The following GRM4 variants were observed in gnomAD, a reference collection of about 807,000 sequenced individuals.
GRM4 encodes metabotropic glutamate receptor 4.
GRM4 carries 28 observed loss-of-function variants against 81.7 expected under a neutral mutation model. The ratio of observed to expected loss-of-function variants is 0.34; its 90% CI spans 0.25 to 0.47. The LOEUF (loss-of-function observed/expected upper bound fraction) is 0.47. Among genes scored for constraint, GRM4 ranks in the 20% least tolerant of loss-of-function variants. The probability of loss-of-function intolerance (pLI) is 1.00; values close to 1 mark genes in which losing one functional copy is unlikely to be tolerated. For synonymous variants in GRM4, 488 were observed against 528.8 expected (o/e 0.92, Z 1.06); for missense variants, 948 against 1,290.0 (o/e 0.73, Z 4.06).
At chr6:34,033,905 G>A (rs1471084254) in intron 9 of GRM4, among the ~76,000 whole-genome samples, 1 of 150,152 alleles carries the variant, frequency 6.7e-6, no homozygotes, top group East Asian at 2.0e-4. Context: ...GCCTGGCTAC[G>A]TTTTTGTATT....
In GRM4 at chr6:34,080,027, C is replaced by T. The variant is rs944308124; in HGVS notation, c.736+11856G>A. Among the ~76,000 whole-genome samples, 6 of 152,186 alleles carry T rather than the reference C, an allele frequency of 3.9e-5. No homozygotes were observed. Among genetic ancestry groups the T allele is most frequent in the African/African-American group, 1.4e-4 (6 of 41,436 alleles). On this transcript the variant is annotated intron_variant, in intron 3 of 10. Coordinates refer to ENST00000538487, the MANE Select transcript of GRM4 (RefSeq NM_000841.4). The surrounding 1 kb of genome is among the most constrained non-coding windows in gnomAD (Gnocchi z 5.4). ...CCCCCAGGGCCCCATGCAATTTGCCCTCCTCCGGCCGTATGTCTCCCTGCC... is the reference window on the plus strand; with the variant it reads ...CCCCCAGGGCCCCATGCAATTTGCCTTCCTCCGGCCGTATGTCTCCCTGCC...
intron 2 of GRM4, among the ~76,000 whole-genome samples, chr6:34,095,438 T>C (rs1258121454): frequency 1.3e-5 from 2 of 151,094 alleles, no homozygotes; most frequent in African/African-American, 4.8e-5. Context: ...TCTCACCAGC[T>C]GAAAAAAAAC....
upstream of GRM4, among the ~76,000 whole-genome samples, chr6:34,150,471 G>A (rs966475043): frequency 1.3e-5 from 2 of 152,120 alleles, no homozygotes; most frequent in Admixed American, 1.3e-4. Context: ...GGGAAGGAGG[G>A]GATGCTCACC....
At chr6:34,149,304 A>G (rs531251007), upstream of GRM4, among the ~76,000 whole-genome samples, 1 of 152,344 alleles carries the variant, frequency 6.6e-6, no homozygotes, top group South Asian at 2.1e-4. Flanking sequence ...TGACCCAGCC[A>G]TCACCTCAGC....
At chr6:34,040,815 G>A (rs890504060) in intron 6 of GRM4, 67 bp from the exon 7 acceptor site, 40 of 1,362,936 alleles carry the variant, frequency 2.9e-5, no homozygotes, top group Non-Finnish European at 4.0e-5. Context: ...TGTCATGGGG[G>A]CCAGACCACC....
intron 3 of GRM4, among the ~76,000 whole-genome samples, chr6:34,071,907 C>T (rs796388650): frequency 1.9e-3 from 3 of 1,566 alleles, no homozygotes; most frequent in Non-Finnish European, 1.9e-3. Flanking sequence ...ACACAATCAC[C>T]ACACACCACA....
rs371883408 is a variant in GRM4, at chr6:34,035,892, C to T, written c.2218G>A (p.Ala740Thr). 6.2e-6 allele frequency: 10 copies of T among 1,607,924 alleles called. No individual in the cohort carries two copies. The highest frequency in any genetic ancestry group is 1.3e-5 in the African/African-American group (1 of 74,958). ...QDQRTLDPRFARGVLKCDISD... is the reference protein window; with the variant it reads ...QDQRTLDPRFTRGVLKCDISD... ...ATGTCACACTTGAGCACACCCCTGG[C>T]GAAGCGGGGGTCGAGTGTCCGCTGG... is the stretch of plus-strand genomic sequence containing the variant. Residue 740 changes from alanine to threonine, a missense_variant, in exon 9 of 11, where the codon GCC becomes ACC. Physicochemically the swap from Ala to Thr is moderately conservative, Grantham distance 58. Transcript: ENST00000538487. This position sits in a 1 kb window ranked among gnomAD's most constrained non-coding sequence, Gnocchi z 6.6.
chr6:34,143,710 A>G (rs570124018), intron 1 of GRM4, among the ~76,000 whole-genome samples: 28 of 152,360 alleles, frequency 1.8e-4, no homozygotes, highest in African/African-American at 6.5e-4. Context: ...GAGTGTGGGC[A>G]GATGGGTATG....
At chr6:34,050,625 A>AT (rs1339833207) in intron 6 of GRM4, among the ~76,000 whole-genome samples, 1 of 152,170 alleles carries the variant, frequency 6.6e-6, no homozygotes, top group Non-Finnish European at 1.5e-5. Flanking sequence ...AGCCTCAGGT[A>AT]TTCCTTTATA....
intron 2 of GRM4, among the ~76,000 whole-genome samples, chr6:34,123,667 A>G (rs150323146): frequency 6.6e-6 from 1 of 152,290 alleles, no homozygotes; most frequent in African/African-American, 2.4e-5. Flanking sequence ...CTGTGCACGC[A>G]TTTCATCCTC....
intron 6 of GRM4, among the ~76,000 whole-genome samples, chr6:34,049,449 G>A (rs1036645902): frequency 6.6e-6 from 1 of 151,894 alleles, no homozygotes; most frequent in African/African-American, 2.4e-5. Context: ...AGGGCTCACT[G>A]GGACCTCTTC....
At chr6:34,061,702 T>A in intron 4 of GRM4, 191 bp downstream of exon 4, 1 of 512,782 alleles carries the variant, frequency 2.0e-6, no homozygotes, top group Non-Finnish European at 3.5e-6. Flanking sequence ...AGGGAAGGAG[T>A]GCCCCATAGC....
chr6:34,120,189 G>T (rs972173157), intron 2 of GRM4, among the ~76,000 whole-genome samples: 1 of 152,156 alleles, frequency 6.6e-6, no homozygotes, highest in African/African-American at 2.4e-5. Flanking sequence ...CTGAATAAAG[G>T]CTCATTCAGG....
At chr6:34,045,716 A>G (rs1353773948) in intron 6 of GRM4, among the ~76,000 whole-genome samples, 2 of 152,200 alleles carry the variant, frequency 1.3e-5, no homozygotes, top group South Asian at 4.1e-4. Context: ...AGAAAGGGGT[A>G]GGAAAATCCC....
intron 9 of GRM4, among the ~76,000 whole-genome samples, chr6:34,031,583 A>C (rs917588829): frequency 2.6e-5 from 4 of 152,184 alleles, no homozygotes; most frequent in African/African-American, 9.7e-5. Context: ...AAATCTGTAC[A>C]AACCAGACAA....
chr6:34,042,508 AG>A lies in GRM4; in HGVS notation c.1169-1761del. Among the ~76,000 whole-genome samples the A allele has an allele frequency of 6.6e-6, 1 of 152,244 alleles. No homozygotes were observed. Among genetic ancestry groups the A allele is most frequent in the Non-Finnish European group, 1.5e-5 (1 of 68,000 alleles). ...TAGGGAAGCCTGGATTCCCCTCCTA[AG>A]ACCACAGCCCTTGCATACAGCATGG... is the stretch of plus-strand genomic sequence containing the variant. On this transcript the variant is annotated intron_variant, in intron 6 of 10. Coordinates refer to ENST00000538487, the MANE Select transcript of GRM4 (RefSeq NM_000841.4). The surrounding 1 kb of genome is among the most constrained non-coding windows in gnomAD (Gnocchi z 4.2).
chr6:34,062,454 A>G (rs542995572), intron 3 of GRM4: 40 of 157,200 alleles, frequency 2.5e-4, no homozygotes, highest in Admixed American at 1.6e-3. Flanking sequence ...TAGAACTGTT[A>G]TAAAACAAGT....
chr6:34,033,550 C>T (rs1179427872), intron 9 of GRM4, among the ~76,000 whole-genome samples: 1 of 152,170 alleles, frequency 6.6e-6, no homozygotes. Flanking sequence ...TGGGGCCAAA[C>T]GGCCGTTAGG....
rs57629314 is a variant in GRM4 at position 34,019,846 on chromosome 6, C to T, written c.*2975G>A. On this transcript the variant is annotated 3_prime_UTR_variant, in exon 11 of 11. Transcript: ENST00000538487. Reference sequence around the variant, plus strand: ...GCCAAGCCAATTGTGAAGGGCCAGGCGTCCCTCCTGCCATGGGCATCAGGG... The same window carrying T: ...GCCAAGCCAATTGTGAAGGGCCAGGTGTCCCTCCTGCCATGGGCATCAGGG... 50,835 of 152,094 alleles carry T rather than the reference C, an allele frequency of 0.33. 8,716 individuals carry two copies. Among genetic ancestry groups the T allele is most frequent in the Admixed American group, 0.39 (5,941 of 15,284 alleles). The allele number at this position is 152,094 out of a possible 1,614,324, so 9.4% of individuals were successfully genotyped here. A position where few individuals can be genotyped will look rare whatever the true frequency, so the allele number is the denominator to read the frequency against.
Sources: allele counts gnomAD v4.1 joint callset (sites outside exome capture counted in the v4.1 genomes callset), GRCh38; gene constraint gnomAD v4.1.1; non-coding constraint Gnocchi (gnomAD v3.1); transcripts MANE v1.5; gene names NCBI Gene and HGNC (gene_info 2026-07-23, HGNC 2026-07-21).